Variants in PXK observed in about 807,000 individuals in gnomAD.
PXK encodes PX domain-containing protein kinase-like protein.
PXK carries 35 observed loss-of-function variants against 84.7 expected under a neutral mutation model. The ratio of observed to expected loss-of-function variants is 0.41; its 90% confidence interval spans 0.32 to 0.55. PXK has a LOEUF of 0.55. Among genes scored for constraint, PXK ranks in the 20% least tolerant of loss-of-function variants. The pLI, the probability that PXK is intolerant of heterozygous loss-of-function variation, is 0.21. For missense variants in PXK, 634 were observed against 699.7 expected (o/e 0.91, Z 1.06); for synonymous variants, 253 against 260.8 (o/e 0.97, Z 0.29).
At chr3:58,336,067 ATATATTTTTTTTTTTT>A (rs1357333221) in intron 1 of PXK, among the ~76,000 whole-genome samples, 751 of 59,500 alleles carry the variant, frequency 0.013, 28 homozygotes, top group African/African-American at 0.073. Context: ...ATATATATAT[ATATATTTTTTTTTTTT>A]TTTTTTAATA....
intron 4 of PXK, among the ~76,000 whole-genome samples, chr3:58,386,574 C>T (rs965984300): frequency 1.3e-5 from 2 of 152,148 alleles, no homozygotes; most frequent in African/African-American, 4.8e-5. Flanking sequence ...GGATTACAGG[C>T]ATGAGCCACT....
rs1013288866 is a variant in PXK, at chr3:58,396,965, A to G, written c.823-74A>G. 9 of 1,480,178 alleles carry G rather than the reference A, an allele frequency of 6.1e-6. No homozygotes were observed. The African/African-American group carries it at 8.4e-5, about 14-fold the overall frequency. 91.7% of individuals were successfully genotyped at this position (1,480,178 alleles called of 1,614,324 possible). Reference sequence around the variant, plus strand: ...GGTTTTGTTTCAAAATATATTGACTAAAAAACAAAGTTTAACTTGTCTTAT... The same window carrying G: ...GGTTTTGTTTCAAAATATATTGACTGAAAAACAAAGTTTAACTTGTCTTAT... On this transcript the variant is annotated intron_variant, in intron 9 of 17. Coordinates refer to ENST00000356151, the MANE Select transcript of PXK (RefSeq NM_017771.5).
chr3:58,412,847 A>G lies in PXK; in HGVS notation c.1466-54A>G. 6.3e-7 allele frequency: 1 copy of G among 1,593,498 alleles called. No homozygotes were observed. Among genetic ancestry groups the G allele is most frequent in the South Asian group, 1.1e-5 (1 of 90,666 alleles). On this transcript the variant is annotated intron_variant, in intron 16 of 17. Coordinates refer to ENST00000356151, the MANE Select transcript of PXK (RefSeq NM_017771.5). This position sits in a 1 kb window ranked among gnomAD's most constrained non-coding sequence, Gnocchi z 6.2. ...AGCAGTGGGTCCCAGCCTGGGCCAAATTCCAAATGTCTTTCGTTGGTCCCC... is the reference window on the plus strand; with the variant it reads ...AGCAGTGGGTCCCAGCCTGGGCCAAGTTCCAAATGTCTTTCGTTGGTCCCC...
chr3:58,387,946 A>G (rs2098575773), intron 4 of PXK, among the ~76,000 whole-genome samples: 1 of 152,176 alleles, frequency 6.6e-6, no homozygotes, highest in East Asian at 1.9e-4. Flanking sequence ...GAGACCCCAC[A>G]CACTGTGGGA....
intron 17 of PXK, among the ~76,000 whole-genome samples, chr3:58,418,793 T>C (rs1460882804): frequency 6.6e-6 from 1 of 152,204 alleles, no homozygotes; most frequent in Non-Finnish European, 1.5e-5. Flanking sequence ...TGGCAGTTTG[T>C]AGAAAACCCA....
rs2062707277 is a variant in PXK at position 58,425,536 on chromosome 3, T to C, written c.*576T>C. ...AGAATGGGGAACGTTCACAACATTC[T>C]CTTAAGTTCTAACAGGAATACCATT... On this transcript the variant is annotated 3_prime_UTR_variant, in exon 18 of 18. Transcript: ENST00000356151. The C allele has an allele frequency of 6.5e-6, 1 of 154,272 alleles. No homozygotes were observed. Among genetic ancestry groups the C allele is most frequent in the African/African-American group, 2.4e-5 (1 of 41,466 alleles). 9.6% of individuals were successfully genotyped at this position (154,272 alleles called of 1,614,324 possible).
chr3:58,369,433 T>A lies in PXK; in HGVS notation c.156T>A (p.Ile52=). The part of the protein sequence containing the change: ...RGISVENSWQ[I]VRRYSDFDLL... ...ACACTACTTCTTGTCTCTTACAGAT[T>A]GTTAGAAGATACAGTGACTTTGATT... is the stretch of plus-strand genomic sequence containing the variant. The change falls in exon 3 of 18, where the codon ATT becomes ATA. Residue 52 remains isoleucine (I), a splice_region_variant and synonymous_variant. Coordinates refer to ENST00000356151, the MANE Select transcript of PXK (RefSeq NM_017771.5). 6.2e-7 allele frequency: 1 copy of A among 1,608,548 alleles called. No homozygotes were observed.
At position 58,401,647 on chromosome 3, in the gene PXK, G is replaced by T. The variant is rs2058583690; in HGVS notation, c.1182-2215G>T. 1.3e-5 allele frequency among the ~76,000 whole-genome samples: 2 copies of T among 150,908 alleles called. No homozygotes were observed. The highest frequency in any genetic ancestry group is 6.6e-5 in the Admixed American group (1 of 15,136). On this transcript the variant is annotated intron_variant, in intron 12 of 17. Coordinates refer to ENST00000356151, the MANE Select transcript of PXK (RefSeq NM_017771.5). This position sits in a 1 kb window ranked among gnomAD's most constrained non-coding sequence, Gnocchi z 4.4. The stretch of plus-strand genomic sequence containing the variant: ...TCTCAAAAATAAAACAAAGTGAGGG[G>T]CAGGCGTGGTGGCTCATGCCTGTAA...
rs982198394 is a variant in PXK at position 58,399,158 on chromosome 3, A to G, written c.1103-141A>G. ...AGCATTCCCCCACCCCACGTATGCC[A>G]TCTGTCTGTGTGTGAAGATTTTTGA... On this transcript the variant is annotated intron_variant, in intron 11 of 17. Transcript: ENST00000356151. This position sits in a 1 kb window ranked among gnomAD's most constrained non-coding sequence, Gnocchi z 4.3. 15 of 714,276 alleles carry G rather than the reference A, an allele frequency of 2.1e-5. No homozygotes were observed. In the Admixed American group the frequency reaches 2.5e-4, roughly 12 times the overall value. 44.2% of individuals were successfully genotyped at this position (714,276 alleles called of 1,614,324 possible).
At chr3:58,336,053 ATATATATATATATATATAT>A (rs2097585819) in intron 1 of PXK, among the ~76,000 whole-genome samples, 2 of 61,232 alleles carry the variant, frequency 3.3e-5, no homozygotes, top group African/African-American at 1.1e-4. Flanking sequence ...ATATATATAT[ATATATATATATATATATAT>A]TTTTTTTTTT....
intron 7 of PXK, 78 bp from the exon 8 acceptor site, chr3:58,394,920 C>T: frequency 9.3e-7 from 1 of 1,076,672 alleles, no homozygotes; most frequent in Non-Finnish European, 1.4e-6. Flanking sequence ...CTACTTGACT[C>T]TGCATAACCA....
chr3:58,344,937 C>T (rs1179692142), intron 1 of PXK, among the ~76,000 whole-genome samples: 11 of 152,240 alleles, frequency 7.2e-5, no homozygotes, highest in African/African-American at 1.9e-4. Context: ...ATGCCCATTT[C>T]AGCTCTTCCC....
Position 58,399,382 on chromosome 3 carries a change from G to A in PXK, c.1181+5G>A. On this transcript the variant is annotated splice_donor_5th_base_variant and intron_variant, in intron 12 of 17. Transcript: ENST00000356151. The surrounding 1 kb of genome is among the most constrained non-coding windows in gnomAD (Gnocchi z 4.3). ...CTCCCGGCTCTTACAGATGCCGTAA[G>A]TCAATCATATGCGTTGGTTGTAATC... 3 of 1,609,340 alleles carry A rather than the reference G, an allele frequency of 1.9e-6. No individual in the cohort carries two copies. Among genetic ancestry groups the A allele is most frequent in the Non-Finnish European group, 2.6e-6 (3 of 1,175,664 alleles).
At chr3:58,340,569 A>G (rs745826259) in intron 1 of PXK, among the ~76,000 whole-genome samples, 15 of 151,990 alleles carry the variant, frequency 9.9e-5, no homozygotes, top group Non-Finnish European at 2.1e-4. Context: ...TCTACTAAAA[A>G]TACAAAATTA....
chr3:58,416,249 T>A lies in PXK; in HGVS notation c.1528+3286T>A, dbSNP rs1249563623. ...TCTGGAGCTTTAACTTCCTTGGCTA[T>A]TGTTCTTAAGCCACTTATTACCTTC... On this transcript the variant is annotated intron_variant, in intron 17 of 17. Coordinates refer to ENST00000356151, the MANE Select transcript of PXK (RefSeq NM_017771.5). This position sits in a 1 kb window ranked among gnomAD's most constrained non-coding sequence, Gnocchi z 4.8. 2.0e-5 allele frequency among the ~76,000 whole-genome samples: 3 copies of A among 152,256 alleles called. No individual in the cohort carries two copies. Among genetic ancestry groups the A allele is most frequent in the Non-Finnish European group, 4.4e-5 (3 of 68,048 alleles).
In PXK at chr3:58,371,481, G is replaced by A. The variant is rs186912020; in HGVS notation, c.201+2003G>A. Among the ~76,000 whole-genome samples the A allele has an allele frequency of 5.4e-3, 827 of 152,288 alleles. 4 individuals are homozygous for A. Among genetic ancestry groups the A allele is most frequent in the Middle Eastern group, 0.017 (5 of 294 alleles). On this transcript the variant is annotated intron_variant, in intron 3 of 17. Coordinates refer to ENST00000356151, the MANE Select transcript of PXK (RefSeq NM_017771.5). ...ACTGTTTCTGCCTTTATGCTCAAGCGAACCTTTGCTTGTGCATAAAGGGGG... is the reference window on the plus strand; with the variant it reads ...ACTGTTTCTGCCTTTATGCTCAAGCAAACCTTTGCTTGTGCATAAAGGGGG...
chr3:58,414,849 T>A lies in PXK; in HGVS notation c.1528+1886T>A, dbSNP rs1439656510. 6.6e-6 allele frequency among the ~76,000 whole-genome samples: 1 copy of A among 152,216 alleles called. No individual in the cohort carries two copies. On this transcript the variant is annotated intron_variant, in intron 17 of 17. Transcript: ENST00000356151. This position sits in a 1 kb window ranked among gnomAD's most constrained non-coding sequence, Gnocchi z 4.5. Reference sequence around the variant, plus strand: ...TGGTAACTAATATTTAGCATTTGCCTGGCAACCTAGCATTTCAGGCCCTAA... The same window carrying A: ...TGGTAACTAATATTTAGCATTTGCCAGGCAACCTAGCATTTCAGGCCCTAA...
chr3:58,404,099 A>G (rs2059025339), intron 13 of PXK, among the ~76,000 whole-genome samples, 189 bp downstream of exon 13: 1 of 152,204 alleles, frequency 6.6e-6, no homozygotes, highest in Non-Finnish European at 1.5e-5. Flanking sequence ...TTAAAAGTGA[A>G]ATTGATAAAG....
At chr3:58,378,507 TTTTTTTGTGTGTGTGTGTGTGTGTG>T (rs759728683) in intron 3 of PXK, among the ~76,000 whole-genome samples, 38,061 of 105,046 alleles carry the variant, frequency 0.36, 6,513 homozygotes, top group Non-Finnish European at 0.43. Context: ...TTTTTTTTTT[TTTTTTTGTGTGTGTGTGTGTGTGTG>T]TGTGTGTGTG....
Sources: allele counts gnomAD v4.1 joint callset (sites outside exome capture counted in the v4.1 genomes callset), GRCh38; gene constraint gnomAD v4.1.1; non-coding constraint Gnocchi (gnomAD v3.1); transcripts MANE v1.5; gene names NCBI Gene and HGNC (gene_info 2026-07-23, HGNC 2026-07-21).